MMP3: variants seen among roughly 807,000 people sequenced by gnomAD.
MMP3 encodes matrix metallopeptidase 3.
MMP3 carries 46 observed loss-of-function variants against 47.3 expected under a neutral mutation model. The observed-to-expected ratio is 0.97, with a 90% CI of 0.77 to 1.24. MMP3 has a LOEUF of 1.24. Among genes scored for constraint, MMP3 ranks in the 50% most tolerant of loss-of-function variants. MMP3 has a pLI of 0.00. For missense variants in MMP3, 558 were observed against 565.5 expected, an observed-to-expected ratio of 0.99 and a Z score of 0.13; for synonymous variants, 216 against 206.5, an observed-to-expected ratio of 1.05 and a Z score of -0.39.
Position 102,840,227 on chromosome 11 carries a change from G to T in MMP3, c.816C>A (p.Thr272=). 2 of 1,613,924 alleles carry T rather than the reference G, an allele frequency of 1.2e-6. No homozygotes were observed. Among genetic ancestry groups the T allele is most frequent in the Non-Finnish European group, 1.7e-6 (2 of 1,179,948 alleles). The part of the protein sequence containing the change: ...LYGPPPDSPE[T]PLVPTEPVPP... ...GGACAGGTTCCGTGGGTACCAGGGG[G>T]GTCTCAGGGGAGTCAGGGGGAGGTC... Residue 272 remains threonine (T), a synonymous_variant, in exon 6 of 10, where the codon ACC becomes ACA. Transcript: ENST00000299855.
chr11:102,841,950 C>T (rs1555005489), intron 4 of MMP3, among the ~76,000 whole-genome samples: 1 of 152,072 alleles, frequency 6.6e-6, no homozygotes, highest in African/African-American at 2.4e-5. Context: ...ATGATATTTC[C>T]TATATTGTGC....
chr11:102,841,431 A>T (rs1412160415), intron 4 of MMP3, among the ~76,000 whole-genome samples: 2 of 152,210 alleles, frequency 1.3e-5, no homozygotes, highest in Admixed American at 6.5e-5. Flanking sequence ...CTAAACTCAC[A>T]TTTGTACGTC....
At chr11:102,841,597 A>G (rs1555005420) in intron 4 of MMP3, among the ~76,000 whole-genome samples, 1 of 152,168 alleles carries the variant, frequency 6.6e-6, no homozygotes, top group Non-Finnish European at 1.5e-5. Flanking sequence ...ATGAACTGAG[A>G]AACATTCTTC....
Position 102,840,508 on chromosome 11 carries a change from G to A in MMP3, c.711C>T (p.Tyr237=), listed in dbSNP as rs782213288. 2.3e-5 allele frequency: 37 copies of A among 1,614,080 alleles called. No individual in the cohort carries two copies. The Admixed American group carries it at 4.3e-4, about 19-fold the overall frequency. ...FHSANTEALM[Y]PLYHSLTDLT... is the part of the protein sequence containing the mutation. ...GGTCTGTGAGTGAGTGATAGAGTGG[G>A]TACATCAAAGCTTCAGTGTTGGCTG... The change falls in exon 5 of 10, where the codon TAC becomes TAT. Residue 237 remains tyrosine, a synonymous_variant. Coordinates refer to ENST00000299855, the MANE Select transcript of MMP3 (RefSeq NM_002422.5).
chr11:102,840,235 G>T lies in MMP3; in HGVS notation c.808C>A (p.Pro270Thr), dbSNP rs782136205. ...TCCGTGGGTACCAGGGGGGTCTCAGGGGAGTCAGGGGGAGGTCCTAAAGGG... is the reference window on the plus strand; with the variant it reads ...TCCGTGGGTACCAGGGGGGTCTCAGTGGAGTCAGGGGGAGGTCCTAAAGGG... ...QSLYGPPPDS[P>T]ETPLVPTEPV... Residue 270 changes from proline to threonine, a missense_variant, in exon 6 of 10, where the codon CCT becomes ACT. Physicochemically the swap from Pro to Thr is conservative, Grantham distance 38. Transcript: ENST00000299855. The T allele has an allele frequency of 1.2e-6, 2 of 1,613,606 alleles. No homozygotes were observed. The highest frequency in any genetic ancestry group is 1.1e-5 in the South Asian group (1 of 91,002).
Position 102,843,435 on chromosome 11 carries a change from T to G in MMP3, c.105+7A>C. 6.2e-7 allele frequency: 1 copy of G among 1,609,400 alleles called. No homozygotes were observed. The highest frequency in any genetic ancestry group is 2.2e-5 in the East Asian group (1 of 44,826). ...CCCACCTGGCCAGGTCAGTTAGTGTTAATTACCTGAACAAGGTTCATGCTG... is the reference window on the plus strand; with the variant it reads ...CCCACCTGGCCAGGTCAGTTAGTGTGAATTACCTGAACAAGGTTCATGCTG... On this transcript the variant is annotated splice_region_variant and intron_variant, in intron 1 of 9. Coordinates refer to ENST00000299855, the MANE Select transcript of MMP3 (RefSeq NM_002422.5).
Position 102,842,173 on chromosome 11 carries a change from T to G in MMP3, c.606A>C (p.Gln202His). 1 of 1,609,342 alleles carries G rather than the reference T, an allele frequency of 6.2e-7. No homozygotes were observed. Among genetic ancestry groups the G allele is most frequent in the East Asian group, 2.2e-5 (1 of 44,808 alleles). Residue 202 changes from glutamine (Q) to histidine (H), a missense_variant, in exon 4 of 10, where the codon CAA becomes CAC. Transcript: ENST00000299855. ...ACTAACCTGTTGTATCCTTTGTCCA[T>G]TGTTCATCATCATCAAAGTGGGCAT... ...NGDAHFDDDE[Q>H]WTKDTTGTNL...
In MMP3 at chr11:102,843,552, C is replaced by G. The variant is rs782418402; in HGVS notation, c.-6G>C. 1 of 1,609,940 alleles carries G rather than the reference C, an allele frequency of 6.2e-7. No homozygotes were observed. Among genetic ancestry groups the G allele is most frequent in the Non-Finnish European group, 8.5e-7 (1 of 1,177,590 alleles). On this transcript the variant is annotated 5_prime_UTR_variant, in exon 1 of 10. Coordinates refer to ENST00000299855, the MANE Select transcript of MMP3 (RefSeq NM_002422.5). ...AGGATTGGAAGACTCTTCATTTCCA[C>G]TGGCTTTACTTAGCTCTATGTTGTC...
intron 6 of MMP3, 148 bp downstream of exon 6, chr11:102,839,960 A>G: frequency 1.2e-6 from 1 of 842,770 alleles, no homozygotes; most frequent in Non-Finnish European, 1.7e-6. Context: ...AAAATGTGGG[A>G]AAAGGCAGCA....
Position 102,838,438 on chromosome 11 carries a change from T to C in MMP3, c.1229+113A>G, listed in dbSNP as rs1858924555. 1.1e-5 allele frequency: 13 copies of C among 1,148,532 alleles called. 1 individual carries two copies. The South Asian group carries it at 1.9e-4, about 17-fold the overall frequency. The allele number at this position is 1,148,532 out of a possible 1,614,324, so 71.1% of individuals were successfully genotyped here. A position where few individuals can be genotyped will look rare whatever the true frequency, so the allele number is the denominator to read the frequency against. On this transcript the variant is annotated intron_variant, in intron 8 of 9. Transcript: ENST00000299855. Reference sequence around the variant, plus strand: ...TTTCCCACAGTTGTCTGAAGTCCCATCCTTCCTACTAAGAGAGAAGCAGGC... The same window carrying C: ...TTTCCCACAGTTGTCTGAAGTCCCACCCTTCCTACTAAGAGAGAAGCAGGC...
intron 8 of MMP3, 70 bp downstream of exon 8, chr11:102,838,481 G>A: frequency 2.0e-6 from 3 of 1,505,860 alleles, no homozygotes; most frequent in Middle Eastern, 1.9e-4. Flanking sequence ...TGGGGTGGGG[G>A]ATTTCCTTAG....
chr11:102,841,594 G>A (rs1858998352), intron 4 of MMP3, among the ~76,000 whole-genome samples: 1 of 151,902 alleles, frequency 6.6e-6, no homozygotes, highest in South Asian at 2.1e-4. Flanking sequence ...GTTATGAACT[G>A]AGAAACATTC....
At position 102,842,287 on chromosome 11, in the gene MMP3, G is replaced by GA. The variant is rs781840485; in HGVS notation, c.500-9dup. 25 of 1,592,578 alleles carry GA rather than the reference G, an allele frequency of 1.6e-5. No individual in the cohort carries two copies. Among genetic ancestry groups the GA allele is most frequent in the Non-Finnish European group, 2.0e-5 (24 of 1,173,712 alleles). On this transcript the variant is annotated splice_polypyrimidine_tract_variant and intron_variant, in intron 3 of 9. Transcript: ENST00000299855. Reference sequence around the variant, plus strand: ...GGTAAAAGTCTCCATGTTCTAGTAGGAAAAAAATTTATTGGAAAGATATGT... The same window carrying GA: ...GGTAAAAGTCTCCATGTTCTAGTAGGAAAAAAAATTTATTGGAAAGATATGT...
chr11:102,842,404 C>CT (rs11418340), intron 3 of MMP3, 27 bp downstream of exon 3: 23,021 of 805,482 alleles, frequency 0.029, 1,103 homozygotes, highest in African/African-American at 0.18. Flanking sequence ...TTTTGTTTTG[C>CT]TTTTTTTTTT....
chr11:102,836,280 G>T lies in MMP3; in HGVS notation c.1334-54C>A. ...GATATTTTTCCAAATAAAGACATTT[G>T]ACAATATACAAAACTCAGAATCATA... is the stretch of plus-strand genomic sequence containing the variant. On this transcript the variant is annotated intron_variant, in intron 9 of 9. Transcript: ENST00000299855. The surrounding 1 kb of genome is among the most constrained non-coding windows in gnomAD (Gnocchi z 4.6). 1 of 1,361,072 alleles carries T rather than the reference G, an allele frequency of 7.3e-7. No homozygotes were observed. Among genetic ancestry groups the T allele is most frequent in the Non-Finnish European group, 1.0e-6 (1 of 956,090 alleles). The allele number at this position is 1,361,072 out of a possible 1,614,324, so 84.3% of individuals were successfully genotyped here.
At position 102,837,203 on chromosome 11, in the gene MMP3, A is replaced by G; in HGVS notation, c.1333+95T>C. ...TTGAGAAGGGAACTGGCCCTAAGAA[A>G]CACTTGTTATTAAAAAGTTTCAATG... On this transcript the variant is annotated intron_variant, in intron 9 of 9. Coordinates refer to ENST00000299855, the MANE Select transcript of MMP3 (RefSeq NM_002422.5). The surrounding 1 kb of genome is among the most constrained non-coding windows in gnomAD (Gnocchi z 4.4). 1 of 933,046 alleles carries G rather than the reference A, an allele frequency of 1.1e-6. No homozygotes were observed. Among genetic ancestry groups the G allele is most frequent in the Non-Finnish European group, 1.7e-6 (1 of 595,210 alleles). The allele number at this position is 933,046 out of a possible 1,614,324, so 57.8% of individuals were successfully genotyped here. A position where few individuals can be genotyped will look rare whatever the true frequency, so the allele number is the denominator to read the frequency against.
chr11:102,841,798 C>T (rs1555005461), intron 4 of MMP3, among the ~76,000 whole-genome samples: 2 of 151,316 alleles, frequency 1.3e-5, no homozygotes, highest in Non-Finnish European at 1.5e-5. Context: ...GAGGAAATTA[C>T]ATAAGTAACA....
At position 102,837,470 on chromosome 11, in the gene MMP3, T is replaced by C. The variant is rs1234228371; in HGVS notation, c.1230-69A>G. On this transcript the variant is annotated intron_variant, in intron 8 of 9. Coordinates refer to ENST00000299855, the MANE Select transcript of MMP3 (RefSeq NM_002422.5). The surrounding 1 kb of genome is among the most constrained non-coding windows in gnomAD (Gnocchi z 4.4). ...TGTTACCGAACATCTTAGATCATGT[T>C]AGGTTTAATGTGGAATTTTACTAAA... 42 of 1,159,082 alleles carry C rather than the reference T, an allele frequency of 3.6e-5. No homozygotes were observed. The Admixed American group carries it at 8.1e-4, about 22-fold the overall frequency. 71.8% of individuals were successfully genotyped at this position (1,159,082 alleles called of 1,614,324 possible).
At chr11:102,840,830 C>T (rs1404129695) in intron 4 of MMP3, among the ~76,000 whole-genome samples, 3 of 152,070 alleles carry the variant, frequency 2.0e-5, no homozygotes, top group Admixed American at 6.6e-5. Context: ...ATCCACTTGC[C>T]CCCCATGGCC....
Sources: gnomAD v4.1 joint callset for allele counts (sites outside exome capture counted in the v4.1 genomes callset) on GRCh38, gnomAD v4.1.1 for gene constraint, Gnocchi (gnomAD v3.1) non-coding constraint, MANE v1.5 for transcripts, NCBI Gene and HGNC (gene_info 2026-07-23, HGNC 2026-07-21) for gene names.